ASTN1: variants seen among roughly 807,000 people sequenced by gnomAD.
The protein encoded by ASTN1 is astrotactin-1.
In ASTN1, 41 loss-of-function variants were observed where a neutral mutation model predicts 140.7. That is an observed-to-expected ratio of 0.29 (90% confidence interval 0.23 to 0.38). ASTN1 has a LOEUF of 0.38. Ranked by LOEUF, ASTN1 falls within the 10% of genes least tolerant of loss-of-function variation. The pLI is 1.00. For synonymous variants in ASTN1, 640 were observed against 652.2 expected (o/e 0.98, Z 0.29); for missense variants, 1,479 against 1,678.8 (o/e 0.88, Z 2.08).
intron 1 of ASTN1, among the ~76,000 whole-genome samples, chr1:177,088,851 C>G (rs1304789170): frequency 6.6e-6 from 1 of 152,012 alleles, no homozygotes; most frequent in Non-Finnish European, 1.5e-5. Flanking sequence ...CTTCTTTCCT[C>G]CCTTCCTTTT....
chr1:177,064,922 A>G (rs1260076090), intron 1 of ASTN1, among the ~76,000 whole-genome samples: 1 of 152,200 alleles, frequency 6.6e-6, no homozygotes, highest in Non-Finnish European at 1.5e-5. Flanking sequence ...GAGTTTCTTA[A>G]CTGATAGGAC....
At chr1:176,907,025 A>G (rs1471324784) in intron 16 of ASTN1, among the ~76,000 whole-genome samples, 2 of 152,202 alleles carry the variant, frequency 1.3e-5, no homozygotes. Flanking sequence ...GCATTCATAT[A>G]GAAACCAGTC....
At chr1:176,947,761 C>T (rs1672016897) in intron 12 of ASTN1, among the ~76,000 whole-genome samples, 1 of 152,198 alleles carries the variant, frequency 6.6e-6, no homozygotes, top group South Asian at 2.1e-4. Context: ...GCCTCATCTT[C>T]CTCATTCTCC....
chr1:176,918,556 C>G (rs543528664), intron 16 of ASTN1, among the ~76,000 whole-genome samples: 1 of 152,256 alleles, frequency 6.6e-6, no homozygotes, highest in Admixed American at 6.5e-5. Flanking sequence ...CTCTTTGGTT[C>G]CTCTTCCTCT....
chr1:177,033,123 CTGTGTGTGTGTGTG>C (rs10603141), intron 2 of ASTN1, among the ~76,000 whole-genome samples: 2 of 146,234 alleles, frequency 1.4e-5, no homozygotes, highest in Non-Finnish European at 3.0e-5. Flanking sequence ...AGAAACAAGT[CTGTGTGTGTGTGTG>C]TGTGTGTGTG....
At chr1:177,108,422 C>G (rs1243242664) in intron 1 of ASTN1, among the ~76,000 whole-genome samples, 4 of 151,720 alleles carry the variant, frequency 2.6e-5, no homozygotes, top group Admixed American at 6.6e-5. Context: ...TTTGACTACT[C>G]TAGGTACCTC....
chr1:177,080,434 G>A (rs1372765595), intron 1 of ASTN1, among the ~76,000 whole-genome samples: 1 of 152,122 alleles, frequency 6.6e-6, no homozygotes, highest in Non-Finnish European at 1.5e-5. Context: ...GTTATGGTTA[G>A]TATTAAATAA....
intron 17 of ASTN1, 114 bp from the exon 18 acceptor site, chr1:176,888,318 G>A (rs1400038496): frequency 2.4e-6 from 3 of 1,238,570 alleles, no homozygotes; most frequent in Non-Finnish European, 3.4e-6. Flanking sequence ...CCAGCAGCAG[G>A]TTGTGTCGCC....
chr1:177,111,769 A>T (rs1680831844), intron 1 of ASTN1, among the ~76,000 whole-genome samples: 1 of 152,174 alleles, frequency 6.6e-6, no homozygotes, highest in South Asian at 2.1e-4. Flanking sequence ...ACTGCTGGGC[A>T]TGGGAAGGAC....
intron 20 of ASTN1, among the ~76,000 whole-genome samples, chr1:176,879,972 G>C (rs913628115): frequency 6.6e-6 from 1 of 152,250 alleles, no homozygotes; most frequent in African/African-American, 2.4e-5. Flanking sequence ...TCTCAGAAAG[G>C]CCTCGGCTTA....
chr1:177,074,534 T>C (rs1344833198), intron 1 of ASTN1, among the ~76,000 whole-genome samples: 1 of 152,202 alleles, frequency 6.6e-6, no homozygotes, highest in Non-Finnish European at 1.5e-5. Flanking sequence ...CATGTCCCCC[T>C]TCACAACTGT....
intron 17 of ASTN1, among the ~76,000 whole-genome samples, chr1:176,892,751 T>C (rs1270408175): frequency 6.6e-6 from 1 of 152,218 alleles, no homozygotes; most frequent in Non-Finnish European, 1.5e-5. Flanking sequence ...CACATTGAAT[T>C]ATATTCTAAT....
chr1:176,883,493 C>G (rs955851808), intron 19 of ASTN1, among the ~76,000 whole-genome samples: 2 of 152,160 alleles, frequency 1.3e-5, no homozygotes, highest in Non-Finnish European at 2.9e-5. Context: ...AACGCCTGGC[C>G]TGGGCGCTCC....
At chr1:177,040,963 C>A (rs1445695233) in intron 2 of ASTN1, among the ~76,000 whole-genome samples, 1 of 152,132 alleles carries the variant, frequency 6.6e-6, no homozygotes, top group African/African-American at 2.4e-5. Flanking sequence ...TTGCCTCAGA[C>A]CCTTGACTCT....
intron 7 of ASTN1, among the ~76,000 whole-genome samples, chr1:177,015,228 G>A (rs762099650): frequency 5.3e-5 from 8 of 152,164 alleles, no homozygotes; most frequent in Non-Finnish European, 1.2e-4. Flanking sequence ...AAGGCACACA[G>A]TAGATGAATA....
At chr1:177,049,864 G>C (rs957443559) in intron 2 of ASTN1, among the ~76,000 whole-genome samples, 2 of 152,202 alleles carry the variant, frequency 1.3e-5, no homozygotes, top group African/African-American at 4.8e-5. Context: ...GGGCCTCAGA[G>C]GCCGAGGCTG....
intron 21 of ASTN1, among the ~76,000 whole-genome samples, chr1:176,869,569 T>C (rs536414082): frequency 1.2e-4 from 19 of 152,202 alleles, no homozygotes; most frequent in Non-Finnish European, 2.1e-4. Context: ...AGGGAGAGCA[T>C]GAAGGAGCTG....
Position 176,942,818 on chromosome 1 carries a change from GTGTATATATATATATA to G in ASTN1, c.2377+1057_2377+1072del, listed in dbSNP as rs750398129. Among the ~76,000 whole-genome samples the G allele has an allele frequency of 9.9e-3, 317 of 31,938 alleles. 21 individuals are homozygous for G. The highest frequency in any genetic ancestry group is 0.026 in the Middle Eastern group (2 of 78). The allele number at this position is 31,938 out of a possible 152,430, so 21.0% of individuals were successfully genotyped here. A position where few individuals can be genotyped will look rare whatever the true frequency, so the allele number is the denominator to read the frequency against. On this transcript the variant is annotated intron_variant, in intron 14 of 22. Coordinates refer to ENST00000361833, the MANE Select transcript of ASTN1 (RefSeq NM_004319.3). The stretch of plus-strand genomic sequence containing the variant: ...GACCAAACCAATGTACTTTGTGTGT[GTGTATATATATATATA>G]TGTATATATATATATATATATATAT...
intron 3 of ASTN1, 69 bp downstream of exon 3, chr1:177,032,387 G>A (rs1268096104): frequency 5.1e-6 from 8 of 1,560,000 alleles, no homozygotes; most frequent in Non-Finnish European, 7.0e-6. Context: ...TCACACAGCT[G>A]TTCCTACCCA....
Sources: gnomAD v4.1 joint callset for allele counts (sites outside exome capture counted in the v4.1 genomes callset) on GRCh38, gnomAD v4.1.1 for gene constraint, MANE v1.5 for transcripts, NCBI Gene and HGNC (gene_info 2026-07-23, HGNC 2026-07-21) for gene names.